RAB31: variants seen among roughly 807,000 people sequenced by gnomAD.
RAB31 encodes the protein ras-related protein Rab-31.
In RAB31, 21 loss-of-function variants were observed where a neutral mutation model predicts 25.6. That is an observed-to-expected ratio of 0.82 (90% CI 0.58 to 1.18). The LOEUF (loss-of-function observed/expected upper bound fraction) is 1.18. Among genes scored for constraint, RAB31 ranks in the 50% most tolerant of loss-of-function variants. The pLI is 0.00. For synonymous variants in RAB31, 87 were observed against 84.0 expected (o/e 1.04, Z -0.20); for missense variants, 196 against 250.1 (o/e 0.78, Z 1.46).
At chr18:9,842,362 C>T (rs1157345000) in intron 5 of RAB31, among the ~76,000 whole-genome samples, 1 of 152,166 alleles carries the variant, frequency 6.6e-6, no homozygotes, top group Non-Finnish European at 1.5e-5. Flanking sequence ...TCTAGGGCCA[C>T]ACGCTATCAA....
intron 1 of RAB31, 70 bp from the exon 2 acceptor site, chr18:9,775,208 G>A (rs1003517238): frequency 2.1e-5 from 33 of 1,606,940 alleles, no homozygotes; most frequent in Middle Eastern, 1.7e-4. Flanking sequence ...TAATCTGTGA[G>A]GTCAGTTAAC....
At chr18:9,765,538 T>TA (rs1389268415) in intron 1 of RAB31, among the ~76,000 whole-genome samples, 8 of 152,222 alleles carry the variant, frequency 5.3e-5, no homozygotes, top group Admixed American at 2.0e-4. Flanking sequence ...GGTTACTGTG[T>TA]AAAAATCAGA....
chr18:9,815,293 G>A, intron 5 of RAB31, 71 bp downstream of exon 5: 5 of 862,836 alleles, frequency 5.8e-6, no homozygotes, highest in African/African-American at 2.3e-5. Context: ...TGTAGATACT[G>A]TCCTCCATCC....
chr18:9,765,798 A>C (rs2068312842), intron 1 of RAB31, among the ~76,000 whole-genome samples: 1 of 152,150 alleles, frequency 6.6e-6, no homozygotes, highest in Non-Finnish European at 1.5e-5. Context: ...TGGTAGTTTG[A>C]GGAGTGATGT....
intron 6 of RAB31, among the ~76,000 whole-genome samples, chr18:9,855,428 A>G (rs1168154529): frequency 1.3e-5 from 2 of 152,106 alleles, no homozygotes; most frequent in East Asian, 1.9e-4. Context: ...GCCTTTTCAG[A>G]TGTTTTTGTA....
intron 6 of RAB31, among the ~76,000 whole-genome samples, chr18:9,853,343 A>G (rs1455706077): frequency 6.6e-6 from 1 of 152,228 alleles, no homozygotes; most frequent in East Asian, 1.9e-4. Context: ...ATGGAATATT[A>G]TAAGGGATAA....
intron 1 of RAB31, among the ~76,000 whole-genome samples, chr18:9,769,116 A>C (rs1413114597): frequency 1.3e-5 from 2 of 152,204 alleles, no homozygotes; most frequent in Admixed American, 1.3e-4. Flanking sequence ...TATAGTTTGA[A>C]GTCAGGTAGC....
rs2067997927 is a variant in RAB31 at position 9,708,513 on chromosome 18, C to A, written c.39+69C>A. The A allele has an allele frequency of 7.3e-7, 1 of 1,373,336 alleles. No homozygotes were observed. The highest frequency in any genetic ancestry group is 9.8e-7 in the Non-Finnish European group (1 of 1,018,506). 85.1% of individuals were successfully genotyped at this position (1,373,336 alleles called of 1,614,324 possible). ...CTCGCGCCCCTTCGCTCCCCTATTC[C>A]CTGCGCGCTCAGTCCCCGTGATCCC... On this transcript the variant is annotated intron_variant, in intron 1 of 6. Transcript: ENST00000578921. This position sits in a 1 kb window ranked among gnomAD's most constrained non-coding sequence, Gnocchi z 6.4.
intron 2 of RAB31, among the ~76,000 whole-genome samples, chr18:9,778,409 CA>C (rs1280188058): frequency 1.8e-4 from 27 of 152,308 alleles, no homozygotes; most frequent in African/African-American, 6.3e-4. Context: ...GACCCTTGAA[CA>C]ACTCGGGGAT....
intron 5 of RAB31, among the ~76,000 whole-genome samples, chr18:9,827,626 G>C (rs926946608): frequency 6.6e-6 from 1 of 151,714 alleles, no homozygotes; most frequent in Non-Finnish European, 1.5e-5. Flanking sequence ...GGAGGGATGG[G>C]TGGGACTGCT....
rs539819835 is a variant in RAB31, at chr18:9,772,219, C to A, written c.40-3059C>A. On this transcript the variant is annotated intron_variant, in intron 1 of 6. Coordinates refer to ENST00000578921, the MANE Select transcript of RAB31 (RefSeq NM_006868.4). ...GGGGTGCTTTTCAGACCAGCGCCCC[C>A]ACCGAGAAGATGCACCCTCAGCCCT... Among the ~76,000 whole-genome samples the A allele has an allele frequency of 2.0e-5, 3 of 152,232 alleles. 1 individual carries two copies. Among genetic ancestry groups the A allele is most frequent in the South Asian group, 4.1e-4 (2 of 4,822 alleles).
intron 5 of RAB31, among the ~76,000 whole-genome samples, chr18:9,822,514 G>A (rs962817732): frequency 6.6e-6 from 1 of 152,146 alleles, no homozygotes; most frequent in Non-Finnish European, 1.5e-5. Context: ...ATATTGAGGT[G>A]TGAAGAGGAT....
In RAB31 at chr18:9,812,171, G is replaced by A. The variant is rs899241643; in HGVS notation, c.202-1849G>A. ...TCATCTAACCCTAATTACCTCCTAA[G>A]GGCCCCACCTCCTAATACCGCCACG... On this transcript the variant is annotated intron_variant, in intron 3 of 6. Transcript: ENST00000578921. 2.6e-5 allele frequency among the ~76,000 whole-genome samples: 4 copies of A among 152,242 alleles called. No homozygotes were observed. The East Asian group carries it at 5.8e-4, about 22-fold the overall frequency.
chr18:9,743,629 G>A (rs2145473815), intron 1 of RAB31, among the ~76,000 whole-genome samples: 1 of 152,250 alleles, frequency 6.6e-6, no homozygotes, highest in South Asian at 2.1e-4. Context: ...AGGGCTTCAG[G>A]GGATCTGCGT....
chr18:9,826,423 A>C (rs1241638254), intron 5 of RAB31, among the ~76,000 whole-genome samples: 3 of 152,054 alleles, frequency 2.0e-5, no homozygotes, highest in African/African-American at 4.8e-5. Context: ...TATTTAAAAA[A>C]ACACACACAC....
chr18:9,747,906 G>A (rs893836017), intron 1 of RAB31, among the ~76,000 whole-genome samples: 2 of 152,204 alleles, frequency 1.3e-5, no homozygotes, highest in African/African-American at 4.8e-5. Context: ...TGAGTAATTA[G>A]TTCCTAGTAG....
intron 6 of RAB31, among the ~76,000 whole-genome samples, chr18:9,850,829 G>A (rs2068785529): frequency 1.3e-5 from 2 of 151,988 alleles, no homozygotes; most frequent in Admixed American, 6.6e-5. Context: ...CTGTGCCACC[G>A]CCCTGCAGCC....
intron 1 of RAB31, among the ~76,000 whole-genome samples, chr18:9,764,128 G>A (rs549357692): frequency 2.0e-5 from 3 of 152,280 alleles, no homozygotes; most frequent in South Asian, 4.1e-4. Context: ...TTTCACATGC[G>A]TAGCCAACAA....
intron 5 of RAB31, among the ~76,000 whole-genome samples, chr18:9,823,941 C>T (rs890396000): frequency 3.9e-5 from 6 of 152,252 alleles, no homozygotes; most frequent in Admixed American, 6.5e-5. Context: ...TAGTGGGCAC[C>T]GGCTTGTTGA....
Sources: gnomAD v4.1 joint callset for allele counts (sites outside exome capture counted in the v4.1 genomes callset) on GRCh38, gnomAD v4.1.1 for gene constraint, Gnocchi (gnomAD v3.1) non-coding constraint, MANE v1.5 for transcripts, NCBI Gene and HGNC (gene_info 2026-07-23, HGNC 2026-07-21) for gene names.